Variants in DROSHA observed in about 807,000 individuals in gnomAD.
DROSHA encodes the protein drosha ribonuclease III.
Under a neutral mutation model 181.9 loss-of-function variants are expected in DROSHA, and 56 were observed. The observed-to-expected ratio is 0.31, with a 90% confidence interval of 0.25 to 0.38. The LOEUF is 0.38. Among genes scored for constraint, DROSHA ranks in the 10% least tolerant of loss-of-function variants. DROSHA has a pLI of 1.00. For missense variants in DROSHA, 1,218 were observed against 1,743.5 expected (o/e 0.70, Z 5.37); for synonymous variants, 524 against 591.2 (o/e 0.89, Z 1.65).
At chr5:31,509,717 T>TGTTA (rs905653331) in intron 9 of DROSHA, among the ~76,000 whole-genome samples, 2 of 152,144 alleles carry the variant, frequency 1.3e-5, no homozygotes, top group Non-Finnish European at 2.9e-5. Context: ...CAAGAGAAGG[T>TGTTA]GTTAGTCCTT....
chr5:31,473,147 A>G (rs964138712), intron 16 of DROSHA, among the ~76,000 whole-genome samples: 1 of 152,240 alleles, frequency 6.6e-6, no homozygotes, highest in African/African-American at 2.4e-5. Context: ...GTACAGGACC[A>G]AACACTTCAG....
At position 31,437,299 on chromosome 5, in the gene DROSHA, C is replaced by G. The variant is rs1378041851; in HGVS notation, c.2883-1G>C. The stretch of plus-strand genomic sequence containing the variant: ...TTCCAACCGTTCATTGTGGTTAATC[C>G]TACAATAGGAATTAAAAAGGTTACT... On this transcript the variant is annotated splice_acceptor_variant, in intron 23 of 35. Transcript: ENST00000344624. LOFTEE classifies it high-confidence loss of function. The G allele has an allele frequency of 6.4e-7, 1 of 1,570,442 alleles. No individual in the cohort carries two copies. The highest frequency in any genetic ancestry group is 1.8e-5 in the Admixed American group (1 of 54,162).
chr5:31,527,046 A>G (rs1740680035), intron 4 of DROSHA, 134 bp from the exon 5 acceptor site: 12 of 757,840 alleles, frequency 1.6e-5, no homozygotes, highest in African/African-American at 3.5e-5. Context: ...GGAATAGGCC[A>G]CCCATTTAAT....
intron 23 of DROSHA, among the ~76,000 whole-genome samples, chr5:31,441,262 T>A (rs1350755119): frequency 2.6e-5 from 4 of 152,032 alleles, no homozygotes; most frequent in Non-Finnish European, 5.9e-5. Flanking sequence ...ATTTTAAAAA[T>A]GAGCTGGGTG....
Position 31,409,971 on chromosome 5 carries a change from TAAA to T in DROSHA, c.3668-642_3668-640del, listed in dbSNP as rs34034465. Among the ~76,000 whole-genome samples the T allele has an allele frequency of 5.7e-4, 83 of 144,648 alleles. No homozygotes were observed. The highest frequency in any genetic ancestry group is 1.5e-3 in the African/African-American group (60 of 40,032). 94.9% of individuals were successfully genotyped at this position (144,648 alleles called of 152,430 possible). A position where few individuals can be genotyped will look rare whatever the true frequency, so the allele number is the denominator to read the frequency against. ...GGAATAAAAATAGCTTTCATTGAGC[TAAA>T]AAAAAAAAAAAGAATGATCTCTCTG... On this transcript the variant is annotated intron_variant, in intron 31 of 35. Transcript: ENST00000344624. This position sits in a 1 kb window ranked among gnomAD's most constrained non-coding sequence, Gnocchi z 4.0.
intron 10 of DROSHA, 114 bp from the exon 11 acceptor site, chr5:31,504,749 G>T: frequency 9.9e-7 from 1 of 1,011,414 alleles, no homozygotes; most frequent in Non-Finnish European, 1.5e-6. Context: ...AGCTCTGAGA[G>T]GCTGTCACGG....
chr5:31,431,239 T>A lies in DROSHA; in HGVS notation c.3145+337A>T, dbSNP rs532520410. Among the ~76,000 whole-genome samples the A allele has an allele frequency of 2.0e-5, 3 of 152,178 alleles. No homozygotes were observed. The South Asian group carries it at 6.2e-4, about 31-fold the overall frequency. On this transcript the variant is annotated intron_variant, in intron 26 of 35. Coordinates refer to ENST00000344624, the MANE Select transcript of DROSHA (RefSeq NM_001382508.1). ...CTCAGCAACCTAATCTGTTTGTTTA[T>A]GTATGTGATCCTGAATCAAATCTGG...
At chr5:31,446,044 A>G (rs1746206739) in intron 23 of DROSHA, among the ~76,000 whole-genome samples, 1 of 152,240 alleles carries the variant, frequency 6.6e-6, no homozygotes, top group South Asian at 2.1e-4. Flanking sequence ...CTAAAAGACT[A>G]TTAGACCTAA....
At chr5:31,489,512 T>C (rs1229099474) in intron 13 of DROSHA, among the ~76,000 whole-genome samples, 5 of 152,204 alleles carry the variant, frequency 3.3e-5, no homozygotes, top group Non-Finnish European at 7.3e-5. Context: ...GAAGAGCTTG[T>C]TATTTTGCTA....
intron 9 of DROSHA, 129 bp downstream of exon 9, chr5:31,510,906 A>T: frequency 8.4e-7 from 1 of 1,188,528 alleles, no homozygotes; most frequent in Non-Finnish European, 1.2e-6. Context: ...TATCTTACTG[A>T]CTGTAATTAA....
chr5:31,520,103 C>A (rs1318053312), intron 6 of DROSHA, among the ~76,000 whole-genome samples: 3 of 152,032 alleles, frequency 2.0e-5, no homozygotes, highest in African/African-American at 4.8e-5. Context: ...AGAGGTGGTG[C>A]AAAGTAAGCT....
At chr5:31,437,365 C>T (rs1056042421) in intron 23 of DROSHA, 67 bp from the exon 24 acceptor site, 8 of 1,178,354 alleles carry the variant, frequency 6.8e-6, no homozygotes, top group East Asian at 5.7e-5. Flanking sequence ...CACCCACCCC[C>T]GCAAGAAAAG....
In DROSHA at chr5:31,433,331, G is replaced by A. The variant is rs569436035; in HGVS notation, c.3043-1653C>T. 1.6e-3 allele frequency among the ~76,000 whole-genome samples: 249 copies of A among 152,250 alleles called. 1 individual carries two copies. The highest frequency in any genetic ancestry group is 8.5e-3 in the South Asian group (41 of 4,818). On this transcript the variant is annotated intron_variant, in intron 25 of 35. Coordinates refer to ENST00000344624, the MANE Select transcript of DROSHA (RefSeq NM_001382508.1). The stretch of plus-strand genomic sequence containing the variant: ...TAAAAATTGATCCCAAAGTGCAAGA[G>A]TTTATACTAGAATATGTAAATTTCA...
At chr5:31,472,888 G>T (rs1019198570) in intron 16 of DROSHA, among the ~76,000 whole-genome samples, 11 of 152,172 alleles carry the variant, frequency 7.2e-5, no homozygotes, top group African/African-American at 2.4e-4. Context: ...ATAACAAAGG[G>T]CATCATTCAA....
At chr5:31,436,799 A>ACACACAC (rs1744895105) in intron 24 of DROSHA, among the ~76,000 whole-genome samples, 1 of 144,592 alleles carries the variant, frequency 6.9e-6, no homozygotes, top group South Asian at 2.3e-4. Context: ...CACACACACT[A>ACACACAC]GAAAATCTGG....
In DROSHA at chr5:31,411,116, A is replaced by G. The variant is rs943290241; in HGVS notation, c.3526-229T>C. 6.6e-6 allele frequency among the ~76,000 whole-genome samples: 1 copy of G among 152,108 alleles called. No homozygotes were observed. The highest frequency in any genetic ancestry group is 1.9e-4 in the East Asian group (1 of 5,198). The stretch of plus-strand genomic sequence containing the variant: ...TATCCTGGATTTTTACCTTACTGAC[A>G]TAAATGGCTCATTTACTTCTTTAGG... On this transcript the variant is annotated intron_variant, in intron 30 of 35. Transcript: ENST00000344624. The surrounding 1 kb of genome is among the most constrained non-coding windows in gnomAD (Gnocchi z 4.2).
intron 16 of DROSHA, among the ~76,000 whole-genome samples, chr5:31,472,875 A>G (rs1749904298): frequency 6.6e-6 from 1 of 152,256 alleles, no homozygotes; most frequent in African/African-American, 2.4e-5. Flanking sequence ...ACAGGGGATA[A>G]AAATAACAAA....
chr5:31,434,583 A>G (rs1429268138), intron 25 of DROSHA, among the ~76,000 whole-genome samples: 2 of 152,284 alleles, frequency 1.3e-5, no homozygotes, highest in Admixed American at 1.3e-4. Context: ...AAATAAAACA[A>G]TGTGTTATTG....
intron 25 of DROSHA, among the ~76,000 whole-genome samples, chr5:31,432,129 A>G (rs1044327294): frequency 1.3e-5 from 2 of 151,490 alleles, no homozygotes; most frequent in Non-Finnish European, 2.9e-5. Context: ...CACCATACAA[A>G]ACAGATTTTT....
Sources: gnomAD v4.1 joint callset for allele counts (sites outside exome capture counted in the v4.1 genomes callset) on GRCh38, gnomAD v4.1.1 for gene constraint, Gnocchi (gnomAD v3.1) non-coding constraint, MANE v1.5 for transcripts, NCBI Gene and HGNC (gene_info 2026-07-23, HGNC 2026-07-21) for gene names.